Variants in TNS1 observed in about 807,000 individuals in gnomAD.
TNS1 encodes tensin 1.
Under a neutral mutation model 168.6 loss-of-function variants are expected in TNS1, and 62 were observed. The ratio of observed to expected loss-of-function variants is 0.37; its 90% CI spans 0.30 to 0.45. The LOEUF (loss-of-function observed/expected upper bound fraction) is 0.45. TNS1 is among the 20% of genes least tolerant of loss of function. TNS1 has a pLI of 1.00. For missense variants in TNS1, 2,240 were observed against 2,339.4 expected (o/e 0.96, Z 0.88); for synonymous variants, 934 against 933.2 (o/e 1.00, Z -0.02).
intron 22 of TNS1, chr2:217,830,342 C>A: frequency 6.2e-7 from 1 of 1,614,072 alleles, no homozygotes; most frequent in Non-Finnish European, 8.5e-7. Context: ...TCATGGGTCA[C>A]AAATGCATGC....
At position 217,804,902 on chromosome 2, in the gene TNS1, G is replaced by A. The variant is rs188328032; in HGVS notation, c.5376-299C>T. ...AAGGCTGGATAGTGAGGGGTGGGGA[G>A]GAGACCAAAATAAAATGGGAACATT... is the stretch of plus-strand genomic sequence containing the variant. On this transcript the variant is annotated intron_variant, in intron 32 of 32. Transcript: ENST00000682258. 2.2e-3 allele frequency among the ~76,000 whole-genome samples: 340 copies of A among 152,226 alleles called. 3 individuals carry two copies. Among genetic ancestry groups the A allele is most frequent in the African/African-American group, 7.9e-3 (327 of 41,496 alleles).
intron 8 of TNS1, among the ~76,000 whole-genome samples, chr2:217,896,302 A>G (rs988001744): frequency 4.6e-5 from 7 of 152,224 alleles, no homozygotes. Context: ...CGTCATGTCC[A>G]CCCAGAACTT....
intron 7 of TNS1, among the ~76,000 whole-genome samples, chr2:217,898,233 T>G (rs1042467718): frequency 1.3e-5 from 2 of 152,228 alleles, no homozygotes; most frequent in Non-Finnish European, 2.9e-5. Context: ...ACACCAATTC[T>G]TGGTTCCCAT....
At chr2:217,887,558 T>C (rs1376099812) in intron 12 of TNS1, among the ~76,000 whole-genome samples, 1 of 152,186 alleles carries the variant, frequency 6.6e-6, no homozygotes, top group Non-Finnish European at 1.5e-5. Flanking sequence ...TCAGCCCGCC[T>C]CGGCCTCCCA....
chr2:217,849,550 T>C (rs933122844), intron 18 of TNS1: 9 of 670,326 alleles, frequency 1.3e-5, no homozygotes, highest in Non-Finnish European at 1.7e-5. Context: ...GACCAGTTCC[T>C]GGCACGTGAT....
chr2:217,938,130 T>A (rs1445960860), intron 3 of TNS1, among the ~76,000 whole-genome samples: 3 of 152,136 alleles, frequency 2.0e-5, no homozygotes, highest in African/African-American at 7.2e-5. Flanking sequence ...CCAGCTGTCA[T>A]CATCATCAAC....
At chr2:217,841,433 A>G (rs749767615) in intron 19 of TNS1, 1 of 192,838 alleles carries the variant, frequency 5.2e-6, no homozygotes, top group African/African-American at 2.4e-5. Flanking sequence ...GGCATTAAAC[A>G]GGACAAAACA....
intron 23 of TNS1, among the ~76,000 whole-genome samples, chr2:217,819,859 G>A (rs1454834368): frequency 1.3e-5 from 2 of 152,216 alleles, no homozygotes; most frequent in Non-Finnish European, 2.9e-5. Flanking sequence ...TCCTTACTTA[G>A]CCAATGGGCC....
intron 2 of TNS1, among the ~76,000 whole-genome samples, chr2:217,979,135 C>G (rs1016710747): frequency 2.0e-5 from 3 of 152,166 alleles, no homozygotes; most frequent in Non-Finnish European, 4.4e-5. Flanking sequence ...CGGACCCGGG[C>G]CCCACGCCAG....
chr2:217,852,037 C>T (rs1281649824), intron 18 of TNS1, among the ~76,000 whole-genome samples: 2 of 152,116 alleles, frequency 1.3e-5, no homozygotes, highest in African/African-American at 2.4e-5. Flanking sequence ...CCCAGCTACT[C>T]GGGAGGCTGA....
chr2:217,811,405 T>C (rs1404370778), intron 28 of TNS1, among the ~76,000 whole-genome samples: 1 of 152,196 alleles, frequency 6.6e-6, no homozygotes, highest in Non-Finnish European at 1.5e-5. Context: ...ATAATATTGG[T>C]CCATTACCAT....
intron 18 of TNS1, among the ~76,000 whole-genome samples, chr2:217,851,357 T>TAC (rs1322619961): frequency 6.7e-6 from 1 of 148,676 alleles, no homozygotes; most frequent in African/African-American, 2.5e-5. Flanking sequence ...CCAATCAACA[T>TAC]ACACACACAC....
chr2:217,954,691 G>C (rs1200342620), intron 3 of TNS1, among the ~76,000 whole-genome samples: 1 of 152,132 alleles, frequency 6.6e-6, no homozygotes, highest in Non-Finnish European at 1.5e-5. Context: ...AGACCCCACT[G>C]TCAAGAGCCC....
intron 18 of TNS1, 35 bp from the exon 19 acceptor site, chr2:217,849,122 C>G (rs1425276673): frequency 1.9e-6 from 3 of 1,583,770 alleles, no homozygotes; most frequent in South Asian, 2.3e-5. Context: ...AGACAACAGA[C>G]AACAGACATT....
chr2:218,005,832 C>T (rs190831864), upstream of TNS1, among the ~76,000 whole-genome samples: 8 of 152,246 alleles, frequency 5.3e-5, no homozygotes, highest in African/African-American at 1.7e-4. Flanking sequence ...TGCCTGTACA[C>T]TTTTGCCCAC....
At chr2:217,930,216 A>G (rs554987101) in intron 3 of TNS1, among the ~76,000 whole-genome samples, 2 of 152,360 alleles carry the variant, frequency 1.3e-5, no homozygotes, top group African/African-American at 4.8e-5. Flanking sequence ...ATGAGGCACT[A>G]AGAGGTTGCA....
At chr2:217,945,204 G>A (rs771588593) in intron 3 of TNS1, among the ~76,000 whole-genome samples, 6 of 152,200 alleles carry the variant, frequency 3.9e-5, no homozygotes, top group Admixed American at 6.5e-5. Flanking sequence ...CTGCACCTCC[G>A]AGCCTCAGTT....
intron 3 of TNS1, among the ~76,000 whole-genome samples, chr2:217,922,696 G>A (rs983103773): frequency 6.6e-6 from 1 of 152,222 alleles, no homozygotes; most frequent in Non-Finnish European, 1.5e-5. Flanking sequence ...GACAGGAGGG[G>A]GCCCAGGTAT....
rs1944422574 is a variant in TNS1 at position 217,831,537 on chromosome 2, G to C, written c.3291C>G (p.Pro1097=). Residue 1097 remains proline (P), a synonymous_variant, in exon 22 of 33, where the codon CCC becomes CCG. Transcript: ENST00000682258. ...ACAGGGGTGTCTTGGCCAGACCCGG[G>C]GGGGACCGCACTGTGCCAGGAAGAA... is the stretch of plus-strand genomic sequence containing the variant. ...SSPPPSGVRS[P]PGLAKTPLSA... The C allele has an allele frequency of 1.3e-6, 2 of 1,535,130 alleles. No individual in the cohort carries two copies. The highest frequency in any genetic ancestry group is 1.4e-5 in the African/African-American group (1 of 70,986).
Sources: gnomAD v4.1 joint callset for allele counts (sites outside exome capture counted in the v4.1 genomes callset) on GRCh38, gnomAD v4.1.1 for gene constraint, MANE v1.5 for transcripts, NCBI Gene and HGNC (gene_info 2026-07-23, HGNC 2026-07-21) for gene names.